Variants in ZNF319 observed in about 807,000 individuals in gnomAD.
ZNF319 encodes zinc finger protein 319.
ZNF319 carries 15 observed loss-of-function variants against 46.0 expected under a neutral mutation model. The observed-to-expected ratio is 0.33, with a 90% CI of 0.22 to 0.50. The LOEUF (loss-of-function observed/expected upper bound fraction) is 0.50, where lower values mean the gene tolerates loss of function less well. ZNF319 is among the 20% of genes least tolerant of loss of function. ZNF319 has a pLI of 0.98. For synonymous variants in ZNF319, 368 were observed against 364.0 expected (o/e 1.01, Z -0.13); for missense variants, 635 against 807.0 (o/e 0.79, Z 2.58).
Position 57,996,662 on chromosome 16 carries a change from A to C in ZNF319, c.1604T>G (p.Val535Gly), listed in dbSNP as rs924273625. The stretch of plus-strand genomic sequence containing the variant: ...CTTGAACTGCTGCTCGCGGGCGTGC[A>C]CGCCCTGGTGCTTGTTGAGATGCTC... ...QREHLNKHQG[V>G]HAREQQFKCV... Residue 535 changes from valine (V) to glycine (G), a missense_variant, in exon 2 of 2, where the codon GTG (valine) becomes GGG (glycine). Val to Gly is a moderately radical substitution (Grantham distance 109). Coordinates refer to ENST00000299237, the MANE Select transcript of ZNF319 (RefSeq NM_020807.3). 4.3e-6 allele frequency: 7 copies of C among 1,613,026 alleles called. No individual in the cohort carries two copies. Among genetic ancestry groups the C allele is most frequent in the Non-Finnish European group, 5.9e-6 (7 of 1,179,982 alleles).
At position 57,997,645 on chromosome 16, in the gene ZNF319, G is replaced by A. The variant is rs1963050050; in HGVS notation, c.621C>T (p.Cys207=). The A allele has an allele frequency of 1.2e-6, 2 of 1,614,106 alleles. No individual in the cohort carries two copies. Among genetic ancestry groups the A allele is most frequent in the East Asian group, 4.5e-5 (2 of 44,892 alleles). ...CCGACAGGTGCTTGAAGGGCTTTTG[G>A]CAGATGGGGCAGCTGTAGGGCTTGT... ...QADKPYSCPI[C]QKPFKHLSEL... is the part of the protein sequence containing the mutation. The change falls in exon 2 of 2, where the codon TGC becomes TGT. Residue 207 remains cysteine, a synonymous_variant. Transcript: ENST00000299237.
Position 57,997,469 on chromosome 16 carries a change from G to A in ZNF319, c.797C>T (p.Thr266Ile), listed in dbSNP as rs746646934. The A allele has an allele frequency of 3.1e-6, 5 of 1,611,746 alleles. No individual in the cohort carries two copies. The highest frequency in any genetic ancestry group is 3.4e-6 in the Non-Finnish European group (4 of 1,179,458). ...CACCAGGTGAGAGCGGTGCTTGAAG[G>A]TCTTCTCGCAGACTGCGCACTTGTA... is the stretch of plus-strand genomic sequence containing the variant. ...RPYKCAVCEK[T>I]FKHRSHLVRH... Residue 266 changes from threonine to isoleucine, a missense_variant, in exon 2 of 2, where the codon ACC becomes ATC. Around this residue, in one of 3 missense-constraint regions of ZNF319, gnomAD observed 138 missense variants for 248.0 expected, o/e 0.56. Coordinates refer to ENST00000299237, the MANE Select transcript of ZNF319 (RefSeq NM_020807.3).
In ZNF319 at chr16:57,997,500, G is replaced by A. The variant is rs1379127725; in HGVS notation, c.766C>T (p.Arg256Trp). 1 of 1,613,704 alleles carries A rather than the reference G, an allele frequency of 6.2e-7. No individual in the cohort carries two copies. Among genetic ancestry groups the A allele is most frequent in the Admixed American group, 1.7e-5 (1 of 60,008 alleles). Residue 256 changes from arginine (R) to tryptophan (W), a missense_variant, in exon 2 of 2, where the codon CGG (arginine) becomes TGG (tryptophan). By Grantham distance (101) the Arg-to-Trp change is moderately radical. This residue lies in a region of ZNF319 where 138 missense variants were observed against 248.0 expected (regional missense o/e 0.56). Coordinates refer to ENST00000299237, the MANE Select transcript of ZNF319 (RefSeq NM_020807.3). Reference sequence around the variant, plus strand: ...TCGCAGACTGCGCACTTGTAGGGCCGCTCGGAGCTGTGCGTGCGCTTGTGG... The same window carrying A: ...TCGCAGACTGCGCACTTGTAGGGCCACTCGGAGCTGTGCGTGCGCTTGTGG... ...VHHKRTHSSE[R>W]PYKCAVCEKT...
Position 57,997,333 on chromosome 16 carries a change from C to A in ZNF319, c.933G>T (p.Gly311=). ...ACTCGCCGCAGCGGAAGGGCCGCTC[C>A]CCACTTGGCGTGCACGGGTGCTGCA... The part of the protein sequence containing the change: ...ELLQHPCTPS[G]ERPFRCGECQ... Residue 311 remains glycine, a synonymous_variant, in exon 2 of 2, where the codon GGG becomes GGT. Transcript: ENST00000299237. 1 of 1,611,482 alleles carries A rather than the reference C, an allele frequency of 6.2e-7. No homozygotes were observed. Among genetic ancestry groups the A allele is most frequent in the East Asian group, 2.2e-5 (1 of 44,870 alleles).
Position 57,998,160 on chromosome 16 carries a change from G to T in ZNF319, c.106C>A (p.Leu36Met). 1 of 1,574,180 alleles carries T rather than the reference G, an allele frequency of 6.4e-7. No individual in the cohort carries two copies. Among genetic ancestry groups the T allele is most frequent in the Non-Finnish European group, 8.7e-7 (1 of 1,155,670 alleles). The change falls in exon 2 of 2, where the codon CTG becomes ATG. Residue 36 changes from leucine to methionine, a missense_variant. Physicochemically the swap from Leu to Met is conservative, Grantham distance 15. This residue lies in a region of ZNF319 where 227 missense variants were observed against 277.5 expected (regional missense o/e 0.82). Coordinates refer to ENST00000299237, the MANE Select transcript of ZNF319 (RefSeq NM_020807.3). Reference sequence around the variant, plus strand: ...GGGTTCTCCGCCGTGCCCGGAGGCAGCGTGTGCTCTGCCAGGGCTGGCGGT... The same window carrying T: ...GGGTTCTCCGCCGTGCCCGGAGGCATCGTGTGCTCTGCCAGGGCTGGCGGT... ...EPPPALAEHT[L>M]PPGTAENPLG...
Position 57,996,454 on chromosome 16 carries a change from G to A in ZNF319, c.*63C>T, listed in dbSNP as rs1030063438. The A allele has an allele frequency of 3.4e-6, 5 of 1,450,318 alleles. No individual in the cohort carries two copies. Among genetic ancestry groups the A allele is most frequent in the Non-Finnish European group, 4.5e-6 (5 of 1,107,490 alleles). 89.8% of individuals were successfully genotyped at this position (1,450,318 alleles called of 1,614,324 possible). A position where few individuals can be genotyped will look rare whatever the true frequency, so the allele number is the denominator to read the frequency against. On this transcript the variant is annotated 3_prime_UTR_variant, in exon 2 of 2. Transcript: ENST00000299237. ...AGGCAGCTGTGAGGAGCTAGGCTGC[G>A]CGAGGCCTGCTGGGCCCACGGCGCC...
Position 57,997,803 on chromosome 16 carries a change from T to A in ZNF319, c.463A>T (p.Ser155Cys). Residue 155 changes from serine (S) to cysteine (C), a missense_variant, in exon 2 of 2, where the codon AGT becomes TGT. Physicochemically the swap from Ser to Cys is moderately radical, Grantham distance 112. Coordinates refer to ENST00000299237, the MANE Select transcript of ZNF319 (RefSeq NM_020807.3). ...TSLAQHHSSHSGLVKCSICEK... is the reference protein window; with the variant it reads ...TSLAQHHSSHCGLVKCSICEK... ...CAGATGGAACACTTCACCAGGCCAC[T>A]GTGGGAGCTGTGGTGCTGTGCCAGT... The A allele has an allele frequency of 6.2e-7, 1 of 1,612,690 alleles. No homozygotes were observed. Among genetic ancestry groups the A allele is most frequent in the African/African-American group, 1.3e-5 (1 of 75,052 alleles).
rs902428599 is a variant in ZNF319 at position 57,996,397 on chromosome 16, A to C, written c.*120T>G. The C allele has an allele frequency of 7.0e-7, 1 of 1,430,264 alleles. No homozygotes were observed. The highest frequency in any genetic ancestry group is 2.9e-5 in the Admixed American group (1 of 34,832). The allele number at this position is 1,430,264 out of a possible 1,614,324, so 88.6% of individuals were successfully genotyped here. ...CCTGCGTCCTCACTCCCGAGGTCTC[A>C]GAACACCGAGCTGGGTGGGGCCCTT... On this transcript the variant is annotated 3_prime_UTR_variant, in exon 2 of 2. Coordinates refer to ENST00000299237, the MANE Select transcript of ZNF319 (RefSeq NM_020807.3).
At position 57,999,591 on chromosome 16, in the gene ZNF319, T is replaced by G. The variant is rs983829468; in HGVS notation, c.-356A>C. On this transcript the variant is annotated 5_prime_UTR_variant, in exon 1 of 2. Coordinates refer to ENST00000299237, the MANE Select transcript of ZNF319 (RefSeq NM_020807.3). Reference sequence around the variant, plus strand: ...TTCCCAGCTCATCTGCCTCTTACATTTAAAAGTTTGTAAGTTTTCTCCTGA... The same window carrying G: ...TTCCCAGCTCATCTGCCTCTTACATGTAAAAGTTTGTAAGTTTTCTCCTGA... The G allele has an allele frequency of 3.3e-5, 5 of 152,216 alleles. No individual in the cohort carries two copies. Among genetic ancestry groups the G allele is most frequent in the African/African-American group, 9.7e-5 (4 of 41,438 alleles). 9.4% of individuals were successfully genotyped at this position (152,216 alleles called of 1,614,324 possible).
Position 57,996,804 on chromosome 16 carries a change from A to C in ZNF319, c.1462T>G (p.Cys488Gly). 6.2e-7 allele frequency: 1 copy of C among 1,610,750 alleles called. No homozygotes were observed. The highest frequency in any genetic ancestry group is 8.5e-7 in the Non-Finnish European group (1 of 1,179,130). Residue 488 changes from cysteine (C) to glycine (G), a missense_variant, in exon 2 of 2, where the codon TGC becomes GGC. This residue lies in a region of ZNF319 where 270 missense variants were observed against 281.4 expected (regional missense o/e 0.96). Transcript: ENST00000299237. ...TTGAAGCGTTTCTCGCAGTCTGGGC[A>C]CTTGAGTGGCTTCTCGCGGGCCGGA... ...CDPAREKPLK[C>G]PDCEKRFKYA...
At position 57,994,713 on chromosome 16, in the gene ZNF319, T is replaced by C. The variant is rs1464859566; in HGVS notation, c.*1804A>G. On this transcript the variant is annotated 3_prime_UTR_variant, in exon 2 of 2. Coordinates refer to ENST00000299237, the MANE Select transcript of ZNF319 (RefSeq NM_020807.3). ...AATGTCTTTACTTCTAAAGCATACA[T>C]TGGACTCACTATATATTAACATCAA... The C allele has an allele frequency of 1.3e-5, 2 of 152,232 alleles. No homozygotes were observed. Among genetic ancestry groups the C allele is most frequent in the East Asian group, 1.9e-4 (1 of 5,204 alleles). 9.4% of individuals were successfully genotyped at this position (152,232 alleles called of 1,614,324 possible).
Position 57,997,714 on chromosome 16 carries a change from G to A in ZNF319, c.552C>T (p.Pro184=). ...EPATTAAPSL[P]AAPAPSTVTP... ...TGACAGTGGAAGGCGCGGGTGCTGC[G>A]GGAAGCGACGGGGCGGCTGTGGTGG... Residue 184 remains proline, a synonymous_variant, in exon 2 of 2, where the codon CCC becomes CCT. Coordinates refer to ENST00000299237, the MANE Select transcript of ZNF319 (RefSeq NM_020807.3). 1.9e-6 allele frequency: 3 copies of A among 1,613,700 alleles called. No homozygotes were observed. The highest frequency in any genetic ancestry group is 1.1e-5 in the South Asian group (1 of 91,088).
In ZNF319 at chr16:57,998,328, A is replaced by C; in HGVS notation, c.-63T>G. 6.6e-7 allele frequency: 1 copy of C among 1,509,574 alleles called. No individual in the cohort carries two copies. Among genetic ancestry groups the C allele is most frequent in the Admixed American group, 2.3e-5 (1 of 43,858 alleles). 93.5% of individuals were successfully genotyped at this position (1,509,574 alleles called of 1,614,324 possible). On this transcript the variant is annotated 5_prime_UTR_variant, in exon 2 of 2. In the 5' UTR this introduces an upstream ATG that the reference lacks. Transcript: ENST00000299237. ...TTCAGTTTCCCGCTTCACGTGACCC[A>C]ATCCAGAGAGAGAAGCTGCCCAATC...
rs1037797051 is a variant in ZNF319, at chr16:57,996,104, G to A, written c.*413C>T. ...GGCCCCAGCCCCACCATGAGCCTCC[G>A]CTTTCCTAACCTATGTGGCTGCTAG... On this transcript the variant is annotated 3_prime_UTR_variant, in exon 2 of 2. Transcript: ENST00000299237. The A allele has an allele frequency of 2.1e-5, 4 of 188,458 alleles. No homozygotes were observed. The highest frequency in any genetic ancestry group is 4.7e-5 in the African/African-American group (2 of 42,598). 11.7% of individuals were successfully genotyped at this position (188,458 alleles called of 1,614,324 possible).
At position 57,999,819 on chromosome 16, in the gene ZNF319, G is replaced by A. The variant is rs772212300; in HGVS notation, c.-584C>T. 2.6e-5 allele frequency: 4 copies of A among 152,486 alleles called. No individual in the cohort carries two copies. The highest frequency in any genetic ancestry group is 5.9e-5 in the Non-Finnish European group (4 of 68,248). 9.4% of individuals were successfully genotyped at this position (152,486 alleles called of 1,614,324 possible). On this transcript the variant is annotated 5_prime_UTR_variant, in exon 1 of 2. Coordinates refer to ENST00000299237, the MANE Select transcript of ZNF319 (RefSeq NM_020807.3). ...TCTAAGCCTTCTCGGGACAGAGAGGGGGAAGGTGGGCTTCTCTGAGCGCCT... is the reference window on the plus strand; with the variant it reads ...TCTAAGCCTTCTCGGGACAGAGAGGAGGAAGGTGGGCTTCTCTGAGCGCCT...
chr16:57,998,472 G>T lies in ZNF319; in HGVS notation c.-207C>A. ...CCTACAGGACATGGGGGCTCTTCAA[G>T]GGAGGGTCCCAGCAGTGCCGGGGAG... is the stretch of plus-strand genomic sequence containing the variant. On this transcript the variant is annotated 5_prime_UTR_variant, in exon 2 of 2. Coordinates refer to ENST00000299237, the MANE Select transcript of ZNF319 (RefSeq NM_020807.3). The T allele has an allele frequency of 1.4e-6, 1 of 701,280 alleles. No individual in the cohort carries two copies. Among genetic ancestry groups the T allele is most frequent in the Non-Finnish European group, 2.2e-6 (1 of 450,296 alleles). The allele number at this position is 701,280 out of a possible 1,614,324, so 43.4% of individuals were successfully genotyped here.
In ZNF319 at chr16:58,000,274, C is replaced by G. The variant is rs1963138084; in HGVS notation, c.-1039G>C. 1 of 152,064 alleles carries G rather than the reference C, an allele frequency of 6.6e-6. No individual in the cohort carries two copies. 9.4% of individuals were successfully genotyped at this position (152,064 alleles called of 1,614,324 possible). The stretch of plus-strand genomic sequence containing the variant: ...CGCCTCGAGGCCCGGCCTGGGCCGC[C>G]CAGAAGCTCAAGAGGCCGCTAGGTC... On this transcript the variant is annotated 5_prime_UTR_variant, in exon 1 of 2. Transcript: ENST00000299237. The surrounding 1 kb of genome is among the most constrained non-coding windows in gnomAD (Gnocchi z 4.5).
rs778391232 is a variant in ZNF319 at position 57,996,663 on chromosome 16, C to T, written c.1603G>A (p.Val535Met). ...TTGAACTGCTGCTCGCGGGCGTGCACGCCCTGGTGCTTGTTGAGATGCTCC... is the reference window on the plus strand; with the variant it reads ...TTGAACTGCTGCTCGCGGGCGTGCATGCCCTGGTGCTTGTTGAGATGCTCC... ...QREHLNKHQGVHAREQQFKCV... is the reference protein window; with the variant it reads ...QREHLNKHQGMHAREQQFKCV... Residue 535 changes from valine (V) to methionine (M), a missense_variant, in exon 2 of 2, where the codon GTG (valine) becomes ATG (methionine). Physicochemically the swap from Val to Met is conservative, Grantham distance 21. Around this residue, in one of 3 missense-constraint regions of ZNF319, gnomAD observed 270 missense variants for 281.4 expected, o/e 0.96. Transcript: ENST00000299237. 22 of 1,612,918 alleles carry T rather than the reference C, an allele frequency of 1.4e-5. No individual in the cohort carries two copies. Among genetic ancestry groups the T allele is most frequent in the Non-Finnish European group, 1.5e-5 (18 of 1,179,988 alleles).
Position 57,996,404 on chromosome 16 carries a change from C to A in ZNF319, c.*113G>T. The A allele has an allele frequency of 1.4e-6, 2 of 1,431,222 alleles. No individual in the cohort carries two copies. The highest frequency in any genetic ancestry group is 1.4e-5 in the African/African-American group (1 of 69,628). The allele number at this position is 1,431,222 out of a possible 1,614,324, so 88.7% of individuals were successfully genotyped here. On this transcript the variant is annotated 3_prime_UTR_variant, in exon 2 of 2. Transcript: ENST00000299237. ...CCTCACTCCCGAGGTCTCAGAACAC[C>A]GAGCTGGGTGGGGCCCTTGGTGCAA...
Sources: allele counts gnomAD v4.1 joint callset, GRCh38; gene constraint gnomAD v4.1.1; regional missense constraint gnomAD v4.1.1; non-coding constraint Gnocchi (gnomAD v3.1); transcripts MANE v1.5; gene names NCBI Gene and HGNC (gene_info 2026-07-23, HGNC 2026-07-21).